ZNF233: variants seen among roughly 807,000 people sequenced by gnomAD.
ZNF233 encodes zinc finger protein 233.
A neutral mutation model predicts 11.6 loss-of-function variants in ZNF233; 7 were observed. That is an observed-to-expected ratio of 0.60 (90% CI 0.34 to 1.13). The LOEUF (loss-of-function observed/expected upper bound fraction) is 1.13. Among genes scored for constraint, ZNF233 ranks in the 50% most tolerant of loss-of-function variants. The pLI, the probability that ZNF233 is intolerant of heterozygous loss-of-function variation, is 0.03. For missense variants in ZNF233, 711 were observed against 785.5 expected (o/e 0.91, Z 1.13); for synonymous variants, 226 against 268.5 (o/e 0.84, Z 1.55).
At chr19:44,262,736 G>A (rs1393690911) in intron 1 of ZNF233, among the ~76,000 whole-genome samples, 7 of 152,058 alleles carry the variant, frequency 4.6e-5, no homozygotes, top group Admixed American at 1.3e-4. Flanking sequence ...ATAACCCTAC[G>A]AGGTAGATAC....
Position 44,273,718 on chromosome 19 carries a change from A to G in ZNF233, c.1058A>G (p.Gln353Arg), listed in dbSNP as rs748154111. Residue 353 changes from glutamine to arginine, a missense_variant, in exon 5 of 5, where the codon CAG becomes CGG. Transcript: ENST00000683810. Reference protein sequence around the residue: ...RCQVYARSSNQNSCLPSHELT... With the variant: ...RCQVYARSSNRNSCLPSHELT... Reference sequence around the variant, plus strand: ...CAGGTATATGCCCGGAGCTCCAACCAGAACTCCTGTCTTCCCTCTCATGAG... The same window carrying G: ...CAGGTATATGCCCGGAGCTCCAACCGGAACTCCTGTCTTCCCTCTCATGAG... 1 of 1,614,092 alleles carries G rather than the reference A, an allele frequency of 6.2e-7. No homozygotes were observed. The highest frequency in any genetic ancestry group is 1.3e-5 in the African/African-American group (1 of 74,944).
chr19:44,272,607 C>T (rs1202228767), intron 4 of ZNF233, among the ~76,000 whole-genome samples: 2 of 152,062 alleles, frequency 1.3e-5, no homozygotes, highest in Non-Finnish European at 2.9e-5. Context: ...TGGTGGCAGG[C>T]GCCTGTAGTC....
At chr19:44,260,997 C>A (rs1481420939) in intron 1 of ZNF233, among the ~76,000 whole-genome samples, 1 of 152,102 alleles carries the variant, frequency 6.6e-6, no homozygotes, top group Non-Finnish European at 1.5e-5. Flanking sequence ...ATTGTAATTC[C>A]TGTTTTACAG....
In ZNF233 at chr19:44,273,120, G is replaced by A. The variant is rs772555812; in HGVS notation, c.460G>A (p.Asp154Asn). Residue 154 changes from aspartate to asparagine, a missense_variant, in exon 5 of 5, where the codon GAT becomes AAT. Transcript: ENST00000683810. Reference sequence around the variant, plus strand: ...AGGAGAATCTAGTCAGGTCTCTGAAGATGAGAACTATGTAATAAAGCTACA... The same window carrying A: ...AGGAGAATCTAGTCAGGTCTCTGAAAATGAGAACTATGTAATAAAGCTACA... ...WTGESSQVSE[D>N]ENYVIKLQGE... The A allele has an allele frequency of 8.7e-6, 14 of 1,614,034 alleles. No individual in the cohort carries two copies. Among genetic ancestry groups the A allele is most frequent in the Non-Finnish European group, 1.2e-5 (14 of 1,180,018 alleles).
In ZNF233 at chr19:44,274,109, T is replaced by C. The variant is rs758032311; in HGVS notation, c.1449T>C (p.Asp483=). 11 of 1,612,916 alleles carry C rather than the reference T, an allele frequency of 6.8e-6. No individual in the cohort carries two copies. The highest frequency in any genetic ancestry group is 9.3e-6 in the Non-Finnish European group (11 of 1,179,610). Residue 483 remains aspartate, a synonymous_variant, in exon 5 of 5, where the codon GAT becomes GAC. Transcript: ENST00000683810. The part of the protein sequence containing the change: ...IHTGEKPYKC[D]VCDKNFSRNS... ...CTGGAGAGAAACCCTACAAATGTGA[T>C]GTGTGTGATAAGAACTTCAGCCGTA...
chr19:44,269,542 C>T (rs977903257), intron 4 of ZNF233, among the ~76,000 whole-genome samples: 15 of 152,154 alleles, frequency 9.9e-5, no homozygotes, highest in Non-Finnish European at 5.9e-5. Flanking sequence ...GATCTGCCCA[C>T]GTTGGCCTCC....
Position 44,273,569 on chromosome 19 carries a change from G to C in ZNF233, c.909G>C (p.Arg303Ser). 1 of 1,614,170 alleles carries C rather than the reference G, an allele frequency of 6.2e-7. No individual in the cohort carries two copies. The highest frequency in any genetic ancestry group is 2.2e-5 in the East Asian group (1 of 44,870). The change falls in exon 5 of 5, where the codon AGG becomes AGC. Residue 303 changes from arginine (R) to serine (S), a missense_variant. Transcript: ENST00000683810. The part of the protein sequence containing the change: ...KGIGYSSGLP[R>S]HQCFHIGEKC... ...TAGGTTACAGCTCAGGGCTTCCCAG[G>C]CATCAGTGTTTCCACATAGGAGAGA...
chr19:44,272,751 GAAAA>G, intron 4 of ZNF233, 144 bp from the exon 5 acceptor site: 1 of 586,726 alleles, frequency 1.7e-6, no homozygotes. Flanking sequence ...CAAAAAAAGA[GAAAA>G]AAAAACAATG....
At chr19:44,266,819 T>C (rs781100033) in intron 3 of ZNF233, 47 bp from the exon 4 acceptor site, 3 of 1,442,850 alleles carry the variant, frequency 2.1e-6, no homozygotes, top group Non-Finnish European at 2.9e-6. Context: ...TTAAAATTTT[T>C]GACTATAATG....
intron 1 of ZNF233, among the ~76,000 whole-genome samples, chr19:44,263,591 A>G (rs1171041882): frequency 2.6e-5 from 4 of 152,240 alleles, no homozygotes; most frequent in Admixed American, 2.6e-4. Context: ...TCCTGGCTAC[A>G]TGAAGAAAAT....
chr19:44,273,115 C>T lies in ZNF233; in HGVS notation c.455C>T (p.Ser152Phe), dbSNP rs1294135858. The change falls in exon 5 of 5, where the codon TCT (serine) becomes TTT (phenylalanine). Residue 152 changes from serine to phenylalanine, a missense_variant. Physicochemically the swap from Ser to Phe is radical, Grantham distance 155 (BLOSUM62 -2). Transcript: ENST00000683810. ...QVWTGESSQV[S>F]EDENYVIKLQ... ...TGGACAGGAGAATCTAGTCAGGTCT[C>T]TGAAGATGAGAACTATGTAATAAAG... 1 of 1,613,868 alleles carries T rather than the reference C, an allele frequency of 6.2e-7. No homozygotes were observed. The highest frequency in any genetic ancestry group is 1.3e-5 in the African/African-American group (1 of 74,898).
At position 44,274,309 on chromosome 19, in the gene ZNF233, A is replaced by G. The variant is rs1975332796; in HGVS notation, c.1649A>G (p.His550Arg). 6 of 1,614,048 alleles carry G rather than the reference A, an allele frequency of 3.7e-6. No homozygotes were observed. In the East Asian group the frequency reaches 1.3e-4, roughly 36 times the overall value. The change falls in exon 5 of 5, where the codon CAT becomes CGT. Residue 550 changes from histidine (H) to arginine (R), a missense_variant. His to Arg is a conservative substitution (Grantham distance 29, BLOSUM62 0). Transcript: ENST00000683810. ...GGGAAGGGCTTTAGTCAGAGTTCGC[A>G]TCTCCAAGACCATCAGCAAGTCCAT... Reference protein sequence around the residue: ...TCGKGFSQSSHLQDHQQVHTG... With the variant: ...TCGKGFSQSSRLQDHQQVHTG...
In ZNF233 at chr19:44,265,509, C is replaced by G. The variant is rs1975058498; in HGVS notation, c.16-689C>G. ...GATCCTGGCTCACTGCAACCTCCGC[C>G]TCCCAGGTTCAAGCAATTCTCCTGC... is the stretch of plus-strand genomic sequence containing the variant. On this transcript the variant is annotated intron_variant, in intron 2 of 4. Coordinates refer to ENST00000683810, the MANE Select transcript of ZNF233 (RefSeq NM_001207005.2). Among the ~76,000 whole-genome samples, 3 of 152,222 alleles carry G rather than the reference C, an allele frequency of 2.0e-5. No individual in the cohort carries two copies. The South Asian group carries it at 6.2e-4, about 32-fold the overall frequency.
rs1975349811 is a variant in ZNF233 at position 44,274,797 on chromosome 19, C to T, written c.*124C>T. On this transcript the variant is annotated 3_prime_UTR_variant, in exon 5 of 5. Coordinates refer to ENST00000683810, the MANE Select transcript of ZNF233 (RefSeq NM_001207005.2). ...TATAAAATGTCATGTTTTAAGAATT[C>T]ATGAGCTGAGTTTTTATAGTTATCT... 1.2e-6 allele frequency: 1 copy of T among 819,260 alleles called. No individual in the cohort carries two copies. Among genetic ancestry groups the T allele is most frequent in the South Asian group, 2.5e-5 (1 of 39,864 alleles). The allele number at this position is 819,260 out of a possible 1,614,324, so 50.7% of individuals were successfully genotyped here. A position where few individuals can be genotyped will look rare whatever the true frequency, so the allele number is the denominator to read the frequency against.
At chr19:44,263,900 C>A (rs1260360101) in intron 1 of ZNF233, among the ~76,000 whole-genome samples, 1 of 152,232 alleles carries the variant, frequency 6.6e-6, no homozygotes, top group Non-Finnish European at 1.5e-5. Flanking sequence ...ACACATTTAA[C>A]CCTTACAATA....
intron 4 of ZNF233, 31 bp from the exon 5 acceptor site, chr19:44,272,868 T>G (rs2123066956): frequency 1.4e-6 from 2 of 1,437,248 alleles, no homozygotes; most frequent in East Asian, 2.3e-5. Flanking sequence ...TTGTCTTCAT[T>G]TTCATTTCTG....
rs372750497 is a variant in ZNF233 at position 44,273,268 on chromosome 19, T to TA, written c.614dup (p.Asn205LysfsTer2). On this transcript the variant is annotated frameshift_variant, in exon 5 of 5. Transcript: ENST00000683810. LOFTEE classifies it low-confidence loss of function (END_TRUNC). Reference sequence around the variant, plus strand: ...CAGAGTAGGTGTCAGCAAATTGATGTAAAAAATAAGCTCTGTAAATGTGAT... The same window carrying TA: ...CAGAGTAGGTGTCAGCAAATTGATGTAAAAAAATAAGCTCTGTAAATGTGAT... The TA allele has an allele frequency of 3.7e-4, 591 of 1,613,914 alleles. 1 individual carries two copies. In the African/African-American group the frequency reaches 5.5e-3, roughly 15 times the overall value.
intron 4 of ZNF233, among the ~76,000 whole-genome samples, chr19:44,269,822 GA>G (rs1200546215): frequency 6.6e-6 from 1 of 152,118 alleles, no homozygotes; most frequent in African/African-American, 2.4e-5. Flanking sequence ...TTGGAAAACT[GA>G]ACAAATCTGA....
chr19:44,270,176 G>C lies in ZNF233; in HGVS notation c.239-2723G>C, dbSNP rs149430469. Among the ~76,000 whole-genome samples, 575 of 152,160 alleles carry C rather than the reference G, an allele frequency of 3.8e-3. 3 individuals carry two copies. The highest frequency in any genetic ancestry group is 0.013 in the African/African-American group (543 of 41,512). ...CCTACTTATAATTTTTATGACACCT[G>C]TGTTAGTTATCAATTATTTTATAAC... is the stretch of plus-strand genomic sequence containing the variant. On this transcript the variant is annotated intron_variant, in intron 4 of 4. Transcript: ENST00000683810.
Sources: gnomAD v4.1 joint callset for allele counts (sites outside exome capture counted in the v4.1 genomes callset) on GRCh38, gnomAD v4.1.1 for gene constraint, MANE v1.5 for transcripts, NCBI Gene and HGNC (gene_info 2026-07-23, HGNC 2026-07-21) for gene names.